The following PINX1 variants were observed in gnomAD, a reference collection of about 807,000 sequenced individuals.
The protein encoded by PINX1 is PIN2/TERF1-interacting telomerase inhibitor 1.
In PINX1, 34 loss-of-function variants were observed where a neutral mutation model predicts 25.4. That is an observed-to-expected ratio of 1.34 (90% confidence interval 1.02 to 1.78). The LOEUF (loss-of-function observed/expected upper bound fraction) is 1.78, where lower values mean the gene tolerates loss of function less well. Ranked by LOEUF, PINX1 falls within the 40% of genes most tolerant of loss-of-function variation. The pLI, the probability that PINX1 is intolerant of heterozygous loss-of-function variation, is 0.00. For missense variants in PINX1, 592 were observed against 404.9 expected, an observed-to-expected ratio of 1.46 and a Z score of -3.97; for synonymous variants, 197 against 147.7, an observed-to-expected ratio of 1.33 and a Z score of -2.42.
At chr8:10,788,470 C>T (rs1484285642) in intron 6 of PINX1, among the ~76,000 whole-genome samples, 2 of 151,744 alleles carry the variant, frequency 1.3e-5, no homozygotes, top group African/African-American at 4.8e-5. Context: ...GAGGCTGAGG[C>T]AAGAGAATCG....
chr8:10,773,433 G>C (rs763145834), intron 6 of PINX1, among the ~76,000 whole-genome samples: 1 of 152,178 alleles, frequency 6.6e-6, no homozygotes, highest in African/African-American at 2.4e-5. Flanking sequence ...ACATCAAAGA[G>C]CACTCTCAGC....
chr8:10,837,054 G>T (rs1459157566), intron 1 of PINX1, among the ~76,000 whole-genome samples: 1 of 152,238 alleles, frequency 6.6e-6, no homozygotes, highest in Non-Finnish European at 1.5e-5. Flanking sequence ...GCTATCCTTT[G>T]AAAGGCCTGT....
intron 5 of PINX1, among the ~76,000 whole-genome samples, chr8:10,823,242 C>T (rs1176115394): frequency 6.6e-6 from 1 of 152,192 alleles, no homozygotes; most frequent in Non-Finnish European, 1.5e-5. Flanking sequence ...CCTGCACATG[C>T]GTTAGGCATG....
At chr8:10,768,763 C>T (rs994405524) in intron 6 of PINX1, among the ~76,000 whole-genome samples, 1 of 152,182 alleles carries the variant, frequency 6.6e-6, no homozygotes, top group South Asian at 2.1e-4. Context: ...TTTTATACAC[C>T]AAAGTCGGAG....
At chr8:10,820,907 G>A (rs1312230548) in intron 5 of PINX1, among the ~76,000 whole-genome samples, 2 of 152,130 alleles carry the variant, frequency 1.3e-5, no homozygotes, top group African/African-American at 4.8e-5. Context: ...AAGCTACATA[G>A]GGAGAGTAGG....
rs111744046 is a variant in PINX1 at position 10,816,936 on chromosome 8, G to A, written c.471+3257C>T. Among the ~76,000 whole-genome samples, 1,281 of 152,286 alleles carry A rather than the reference G, an allele frequency of 8.4e-3. 17 individuals carry two copies. Among genetic ancestry groups the A allele is most frequent in the African/African-American group, 0.029 (1,211 of 41,554 alleles). On this transcript the variant is annotated intron_variant, in intron 6 of 6. Transcript: ENST00000314787. Reference sequence around the variant, plus strand: ...GAGGAGATACTGATATTTACATGACGGGATTGCTGTGAGGATGAAATGAGA... The same window carrying A: ...GAGGAGATACTGATATTTACATGACAGGATTGCTGTGAGGATGAAATGAGA...
chr8:10,828,426 T>A (rs962338155), intron 4 of PINX1, among the ~76,000 whole-genome samples: 2 of 152,012 alleles, frequency 1.3e-5, no homozygotes, highest in African/African-American at 4.8e-5. Flanking sequence ...CCACAGCCAC[T>A]CCATAAGAGA....
At chr8:10,827,181 A>AT (rs1413396062) in intron 4 of PINX1, among the ~76,000 whole-genome samples, 3 of 152,232 alleles carry the variant, frequency 2.0e-5, no homozygotes, top group African/African-American at 7.2e-5. Flanking sequence ...TTATTTCAAA[A>AT]TAAAAAGTTC....
At chr8:10,795,808 G>A (rs940647481) in intron 6 of PINX1, among the ~76,000 whole-genome samples, 37 of 151,898 alleles carry the variant, frequency 2.4e-4, no homozygotes, top group African/African-American at 8.2e-4. Flanking sequence ...TCTCTGTTAC[G>A]GAATGCCAAG....
chr8:10,785,248 T>C (rs374351029), intron 6 of PINX1, among the ~76,000 whole-genome samples: 7 of 152,296 alleles, frequency 4.6e-5, no homozygotes, highest in African/African-American at 1.7e-4. Flanking sequence ...ATTAAGGAAA[T>C]CCTACTAACT....
At chr8:10,799,332 C>A (rs569688356) in intron 6 of PINX1, among the ~76,000 whole-genome samples, 193 of 152,252 alleles carry the variant, frequency 1.3e-3, no homozygotes, top group African/African-American at 4.5e-3. Flanking sequence ...TCATGCTTCA[C>A]GTGTTTGCTG....
At chr8:10,834,225 G>A (rs1317725537) in intron 2 of PINX1, 1 of 156,502 alleles carries the variant, frequency 6.4e-6, no homozygotes, top group Non-Finnish European at 1.4e-5. Context: ...GCACTGTGGA[G>A]GCCAAGACAG....
intron 6 of PINX1, among the ~76,000 whole-genome samples, chr8:10,819,439 A>T (rs888811404): frequency 2.0e-5 from 3 of 152,220 alleles, no homozygotes; most frequent in Non-Finnish European, 2.9e-5. Flanking sequence ...GGTCACAACC[A>T]TATATTCCAG....
chr8:10,826,377 T>A, intron 4 of PINX1, 133 bp from the exon 5 acceptor site: 1 of 562,006 alleles, frequency 1.8e-6, no homozygotes, highest in South Asian at 2.4e-5. Context: ...ATTCATTTGC[T>A]CTGCAACAGC....
chr8:10,769,310 T>C (rs558994054), intron 6 of PINX1, among the ~76,000 whole-genome samples: 2 of 152,324 alleles, frequency 1.3e-5, no homozygotes, highest in East Asian at 3.9e-4. Flanking sequence ...ACTGGCCTAG[T>C]CTGTTCACAG....
chr8:10,782,701 C>T (rs562561135), intron 6 of PINX1, among the ~76,000 whole-genome samples: 2 of 152,126 alleles, frequency 1.3e-5, no homozygotes, highest in Admixed American at 6.5e-5. Flanking sequence ...GTGCCACTAC[C>T]CTTCAACCTG....
At chr8:10,806,452 A>T (rs1321915842) in intron 6 of PINX1, among the ~76,000 whole-genome samples, 1 of 152,226 alleles carries the variant, frequency 6.6e-6, no homozygotes, top group Non-Finnish European at 1.5e-5. Flanking sequence ...GCCAGGTCTA[A>T]GATTTGAAAA....
chr8:10,813,564 C>T lies in PINX1; in HGVS notation c.471+6629G>A, dbSNP rs114533043. Among the ~76,000 whole-genome samples, 827 of 152,044 alleles carry T rather than the reference C, an allele frequency of 5.4e-3. 9 individuals carry two copies. The highest frequency in any genetic ancestry group is 0.019 in the African/African-American group (795 of 41,476). ...GGGAAAAAAAGGAGATTGACAGAGA[C>T]GAGAAAGGAACACAAACTGCAAAGA... On this transcript the variant is annotated intron_variant, in intron 6 of 6. Coordinates refer to ENST00000314787, the MANE Select transcript of PINX1 (RefSeq NM_017884.6).
Position 10,765,681 on chromosome 8 carries a change from G to T in PINX1, c.707C>A (p.Thr236Lys), listed in dbSNP as rs777734230. ...CTCGGCCCTCTCGGGCTTTCCCTCC[G>T]TGTGCCTCTTGGCCTTAGGCTGGAG... Reference protein sequence around the residue: ...SYLQPKAKRHTEGKPERAEAQ... With the variant: ...SYLQPKAKRHKEGKPERAEAQ... The change falls in exon 7 of 7, where the codon ACG (threonine) becomes AAG (lysine). Residue 236 changes from threonine (T) to lysine (K), a missense_variant. Thr to Lys is a moderately conservative substitution (Grantham distance 78). Coordinates refer to ENST00000314787, the MANE Select transcript of PINX1 (RefSeq NM_017884.6). The T allele has an allele frequency of 4.3e-6, 7 of 1,613,986 alleles. No homozygotes were observed. The South Asian group carries it at 7.7e-5, about 18-fold the overall frequency.
Sources: gnomAD v4.1 joint callset for allele counts (sites outside exome capture counted in the v4.1 genomes callset) on GRCh38, gnomAD v4.1.1 for gene constraint, MANE v1.5 for transcripts, NCBI Gene and HGNC (gene_info 2026-07-23, HGNC 2026-07-21) for gene names.